HIVEP2: variants seen among roughly 807,000 people sequenced by gnomAD.
HIVEP2 encodes HIVEP zinc finger 2, also known as transcription factor HIVEP2.
Under a neutral mutation model 180.7 loss-of-function variants are expected in HIVEP2, and 14 were observed. That is an observed-to-expected ratio of 0.08 (90% CI 0.05 to 0.12). The LOEUF (loss-of-function observed/expected upper bound fraction) is 0.12. HIVEP2 is among the 10% of genes least tolerant of loss of function. HIVEP2 has a pLI of 1.00. For synonymous variants in HIVEP2, 1,184 were observed against 1,136.4 expected (o/e 1.04, Z -0.84); for missense variants, 2,579 against 3,008.5 (o/e 0.86, Z 3.34).
intron 1 of HIVEP2, among the ~76,000 whole-genome samples, chr6:142,877,174 C>T (rs1375124616): frequency 6.6e-6 from 1 of 152,108 alleles, no homozygotes; most frequent in African/African-American, 2.4e-5. Context: ...ATTGTTAATG[C>T]TTTGAACAAC....
chr6:142,773,276 C>G lies in HIVEP2; in HGVS notation c.1463G>C (p.Ser488Thr), dbSNP rs780681686. 1 of 1,614,186 alleles carries G rather than the reference C, an allele frequency of 6.2e-7. No individual in the cohort carries two copies. The highest frequency in any genetic ancestry group is 8.5e-7 in the Non-Finnish European group (1 of 1,180,042). Reference sequence around the variant, plus strand: ...AGTGGATTTCAGCATGCTCGTTTGACTGGGGTCGACATCTCCCTTGCTTGG... The same window carrying G: ...AGTGGATTTCAGCATGCTCGTTTGAGTGGGGTCGACATCTCCCTTGCTTGG... ...LIPSKGDVDP[S>T]QTSMLKSTKF... Residue 488 changes from serine to threonine, a missense_variant, in exon 5 of 10, where the codon AGT becomes ACT. Transcript: ENST00000367603.
At chr6:142,755,638 A>G (rs1381142635) in intron 9 of HIVEP2, among the ~76,000 whole-genome samples, 1 of 152,214 alleles carries the variant, frequency 6.6e-6, no homozygotes, top group Non-Finnish European at 1.5e-5. Flanking sequence ...GAGATGTCCT[A>G]TTACGTAAAC....
At chr6:142,813,902 A>G (rs1776765361) in intron 2 of HIVEP2, among the ~76,000 whole-genome samples, 1 of 151,810 alleles carries the variant, frequency 6.6e-6, no homozygotes, top group South Asian at 2.1e-4. Context: ...TCTCTTTACA[A>G]TCTTTCCTCT....
intron 1 of HIVEP2, among the ~76,000 whole-genome samples, chr6:142,915,913 A>C (rs1777540121): frequency 6.6e-6 from 1 of 152,100 alleles, no homozygotes; most frequent in Admixed American, 6.6e-5. Flanking sequence ...CAAATCCAAA[A>C]ACAAAAGTCA....
At chr6:142,798,308 T>C (rs1298473396) in intron 2 of HIVEP2, among the ~76,000 whole-genome samples, 1 of 151,780 alleles carries the variant, frequency 6.6e-6, no homozygotes, top group African/African-American at 2.4e-5. Flanking sequence ...AGAAACCGGC[T>C]CCTCAAGGCT....
At chr6:142,867,132 A>AATTCTTTT (rs1318214625) in intron 1 of HIVEP2, among the ~76,000 whole-genome samples, 23 of 152,156 alleles carry the variant, frequency 1.5e-4, no homozygotes, top group African/African-American at 5.5e-4. Context: ...CTTTTAATCC[A>AATTCTTTT]AATACACTTA....
At chr6:142,913,783 T>C (rs563503748) in intron 1 of HIVEP2, among the ~76,000 whole-genome samples, 1 of 152,296 alleles carries the variant, frequency 6.6e-6, no homozygotes, top group South Asian at 2.1e-4. Flanking sequence ...TCTTGCCCCA[T>C]CCTCACCTCC....
At chr6:142,905,101 A>C (rs1226425554) in intron 1 of HIVEP2, among the ~76,000 whole-genome samples, 1 of 152,306 alleles carries the variant, frequency 6.6e-6, no homozygotes, top group Non-Finnish European at 1.5e-5. Flanking sequence ...AGGGAAAACA[A>C]CCTTTCATTC....
At chr6:142,860,671 T>A (rs918839099) in intron 1 of HIVEP2, among the ~76,000 whole-genome samples, 5 of 152,188 alleles carry the variant, frequency 3.3e-5, no homozygotes, top group Non-Finnish European at 7.3e-5. Context: ...GGGTTCACGC[T>A]TCTGTGAGAA....
intron 9 of HIVEP2, 145 bp downstream of exon 9, chr6:142,759,627 A>G (rs180902925): frequency 4.4e-6 from 3 of 680,618 alleles, no homozygotes; most frequent in African/African-American, 3.6e-5. Context: ...CATATGACAA[A>G]AATGTCTCCC....
intron 2 of HIVEP2, among the ~76,000 whole-genome samples, chr6:142,821,561 T>C (rs1036391511): frequency 9.9e-5 from 15 of 152,210 alleles, no homozygotes; most frequent in African/African-American, 3.6e-4. Flanking sequence ...AACAGAATTA[T>C]ACAGCATTTA....
At chr6:142,832,863 A>G (rs1582898551) in intron 2 of HIVEP2, among the ~76,000 whole-genome samples, 1 of 152,332 alleles carries the variant, frequency 6.6e-6, no homozygotes, top group East Asian at 1.9e-4. Context: ...TAACTGACAG[A>G]GGTCTGGAAA....
intron 1 of HIVEP2, among the ~76,000 whole-genome samples, chr6:142,839,159 C>T (rs1014072183): frequency 7.2e-5 from 11 of 152,058 alleles, no homozygotes; most frequent in Admixed American, 5.9e-4. Context: ...AGGTAAGCCT[C>T]GCGTACAAAC....
At chr6:142,850,200 A>C (rs1775613248) in intron 1 of HIVEP2, among the ~76,000 whole-genome samples, 1 of 152,304 alleles carries the variant, frequency 6.6e-6, no homozygotes, top group South Asian at 2.1e-4. Flanking sequence ...AGCATATTTA[A>C]ATTTTTCTAG....
chr6:142,799,633 G>A (rs2114753971), intron 2 of HIVEP2, among the ~76,000 whole-genome samples: 1 of 152,246 alleles, frequency 6.6e-6, no homozygotes, highest in African/African-American at 2.4e-5. Context: ...ATCAACACCT[G>A]CTGAAAGCAT....
intron 3 of HIVEP2, among the ~76,000 whole-genome samples, chr6:142,776,822 C>T (rs1775713779): frequency 1.3e-5 from 2 of 152,160 alleles, no homozygotes; most frequent in South Asian, 4.1e-4. Flanking sequence ...TGTGAGCCAC[C>T]TCGCCTGGAT....
At chr6:142,845,740 T>C (rs1775495969) in intron 1 of HIVEP2, among the ~76,000 whole-genome samples, 1 of 152,232 alleles carries the variant, frequency 6.6e-6, no homozygotes, top group African/African-American at 2.4e-5. Context: ...AGGAAGCTGT[T>C]CAACTCGCCG....
At chr6:142,903,470 T>C (rs1777182748) in intron 1 of HIVEP2, among the ~76,000 whole-genome samples, 1 of 152,244 alleles carries the variant, frequency 6.6e-6, no homozygotes, top group Non-Finnish European at 1.5e-5. Flanking sequence ...CTGATTTCTG[T>C]ACTTGGAGTA....
At chr6:142,810,994 C>T (rs542837933) in intron 2 of HIVEP2, among the ~76,000 whole-genome samples, 2 of 152,170 alleles carry the variant, frequency 1.3e-5, no homozygotes, top group South Asian at 4.2e-4. Context: ...AGTCTCTGTG[C>T]CTCCCAAACA....
Sources: gnomAD v4.1 joint callset for allele counts (sites outside exome capture counted in the v4.1 genomes callset) on GRCh38, gnomAD v4.1.1 for gene constraint, MANE v1.5 for transcripts, NCBI Gene and HGNC (gene_info 2026-07-23, HGNC 2026-07-21) for gene names.